GLB1L2: variants seen among roughly 807,000 people sequenced by gnomAD.
GLB1L2 encodes the protein beta-galactosidase-1-like protein 2.
GLB1L2 carries 68 observed loss-of-function variants against 84.1 expected under a neutral mutation model. The ratio of observed to expected loss-of-function variants is 0.81; its 90% CI spans 0.67 to 0.99. The LOEUF is 0.99. GLB1L2 is among the 50% of genes least tolerant of loss of function. The pLI is 0.00. For synonymous variants in GLB1L2, 290 were observed against 318.0 expected (o/e 0.91, Z 0.94); for missense variants, 762 against 805.6 (o/e 0.95, Z 0.66).
chr11:134,343,713 T>C (rs1275937295), intron 2 of GLB1L2, among the ~76,000 whole-genome samples: 4 of 152,002 alleles, frequency 2.6e-5, no homozygotes, highest in Non-Finnish European at 5.9e-5. Flanking sequence ...GCTGTGGGAG[T>C]GCTGCAGGCT....
intron 8 of GLB1L2, chr11:134,364,781 T>G (rs1427082168): frequency 5.5e-6 from 1 of 181,892 alleles, no homozygotes; most frequent in Non-Finnish European, 1.1e-5. Flanking sequence ...CCTGCAATCC[T>G]AGAAAGATTA....
intron 1 of GLB1L2, among the ~76,000 whole-genome samples, chr11:134,341,309 G>A (rs1331909055): frequency 6.6e-6 from 1 of 152,302 alleles, no homozygotes; most frequent in East Asian, 1.9e-4. Flanking sequence ...TTTCTGAGCA[G>A]TTGGGAGAGG....
intron 8 of GLB1L2, chr11:134,366,908 G>T: frequency 3.0e-6 from 1 of 334,570 alleles, no homozygotes; most frequent in South Asian, 2.7e-5. Context: ...AGTTGTCCTG[G>T]GTAAAACATC....
chr11:134,373,518 C>T (rs1408994899), intron 15 of GLB1L2, among the ~76,000 whole-genome samples: 2 of 152,192 alleles, frequency 1.3e-5, no homozygotes, highest in Non-Finnish European at 2.9e-5. Flanking sequence ...TCCCGTCCCC[C>T]ACAGAATTGC....
chr11:134,341,997 T>C (rs1943470489), intron 1 of GLB1L2, among the ~76,000 whole-genome samples: 1 of 115,240 alleles, frequency 8.7e-6, no homozygotes, highest in Non-Finnish European at 1.8e-5. Context: ...GCCACGCCCT[T>C]GTTTCATGCC....
chr11:134,357,523 C>G (rs546020193), intron 6 of GLB1L2, among the ~76,000 whole-genome samples: 57 of 152,354 alleles, frequency 3.7e-4, no homozygotes, highest in South Asian at 3.1e-3. Context: ...TGAAGCGTCT[C>G]CTGCGATACC....
chr11:134,343,219 G>A (rs1450357396), intron 2 of GLB1L2, among the ~76,000 whole-genome samples: 2 of 152,270 alleles, frequency 1.3e-5, no homozygotes, highest in South Asian at 2.1e-4. Flanking sequence ...GTGATTCAGT[G>A]CTAGCGAATC....
chr11:134,351,889 A>C (rs1470828756), intron 5 of GLB1L2, among the ~76,000 whole-genome samples: 7 of 152,230 alleles, frequency 4.6e-5, no homozygotes, highest in African/African-American at 1.2e-4. Context: ...GCAAAACTCA[A>C]AAATGAGGGA....
intron 5 of GLB1L2, among the ~76,000 whole-genome samples, chr11:134,347,945 T>C (rs1057197944): frequency 5.9e-5 from 9 of 152,142 alleles, no homozygotes; most frequent in African/African-American, 2.2e-4. Flanking sequence ...ACCAAAAAGG[T>C]GCTGCATGGT....
In GLB1L2 at chr11:134,376,184, C is replaced by T. The variant is rs536856950; in HGVS notation, c.*1126C>T. 2.0e-5 allele frequency: 3 copies of T among 153,096 alleles called. No homozygotes were observed. The highest frequency in any genetic ancestry group is 6.5e-5 in the Admixed American group (1 of 15,286). 9.5% of individuals were successfully genotyped at this position (153,096 alleles called of 1,614,324 possible). On this transcript the variant is annotated 3_prime_UTR_variant, in exon 19 of 19. Transcript: ENST00000535456. ...TCAGTGGCCCCCGCCCCCCACCCCCCACGCCCGAACAGCAGGGGCAGAGCA... is the reference window on the plus strand; with the variant it reads ...TCAGTGGCCCCCGCCCCCCACCCCCTACGCCCGAACAGCAGGGGCAGAGCA...
At chr11:134,345,281 C>T in intron 4 of GLB1L2, 152 bp downstream of exon 4, 1 of 988,214 alleles carries the variant, frequency 1.0e-6, no homozygotes. Flanking sequence ...AAGCAGCACC[C>T]AGAGGGGATC....
At position 134,359,072 on chromosome 11, in the gene GLB1L2, C is replaced by A; in HGVS notation, c.664C>A (p.Arg222Ser). 1 of 1,601,306 alleles carries A rather than the reference C, an allele frequency of 6.2e-7. No homozygotes were observed. The highest frequency in any genetic ancestry group is 1.7e-5 in the Admixed American group (1 of 58,288). Residue 222 changes from arginine (R) to serine (S), a missense_variant, in exon 7 of 19, where the codon CGT becomes AGT. By Grantham distance (110) the Arg-to-Ser change is moderately radical. Around this residue, in one of 3 missense-constraint regions of GLB1L2, gnomAD observed 603 missense variants for 611.7 expected, o/e 0.99. Transcript: ENST00000535456. ...MPYVKKALED[R>S]GIVELLLTSD... The stretch of plus-strand genomic sequence containing the variant: ...ATTTCCCCCACAGGCACTGGAGGAC[C>A]GTGGCATTGTGGAACTGCTCCTGAC...
intron 15 of GLB1L2, among the ~76,000 whole-genome samples, chr11:134,373,155 GC>G (rs1943979548): frequency 6.6e-6 from 1 of 152,102 alleles, no homozygotes; most frequent in African/African-American, 2.4e-5. Flanking sequence ...TCCCAAGCTA[GC>G]CACTCAGCAG....
In GLB1L2 at chr11:134,370,317, A is replaced by T; in HGVS notation, c.1133A>T (p.Asp378Val). Residue 378 changes from aspartate (D) to valine (V), a missense_variant, in exon 12 of 19, where the codon GAC becomes GTC. By Grantham distance (152) the Asp-to-Val change is radical. Coordinates refer to ENST00000535456, the MANE Select transcript of GLB1L2 (RefSeq NM_001370461.1). This position sits in a 1 kb window ranked among gnomAD's most constrained non-coding sequence, Gnocchi z 4.7. ...GGCATCCCTCTCCCTCCCCCACCTG[A>T]CCTTCTTCCCAAGATGCCGTATGAG... ...ISGIPLPPPP[D>V]LLPKMPYEPL... is the part of the protein sequence containing the mutation. 7 of 1,612,362 alleles carry T rather than the reference A, an allele frequency of 4.3e-6. No homozygotes were observed. Among genetic ancestry groups the T allele is most frequent in the Non-Finnish European group, 4.2e-6 (5 of 1,179,742 alleles).
intron 1 of GLB1L2, among the ~76,000 whole-genome samples, chr11:134,342,294 C>T (rs1474893291): frequency 6.6e-6 from 1 of 152,184 alleles, no homozygotes; most frequent in African/African-American, 2.4e-5. Flanking sequence ...GATGGGTGGA[C>T]GCCGCCAACG....
intron 6 of GLB1L2, among the ~76,000 whole-genome samples, chr11:134,358,684 G>A (rs1943739304): frequency 6.6e-6 from 1 of 152,268 alleles, no homozygotes; most frequent in African/African-American, 2.4e-5. Flanking sequence ...TCGTCCTGGA[G>A]GCCTGACCTA....
chr11:134,362,311 GCGTTC>G (rs1479613392), intron 7 of GLB1L2, among the ~76,000 whole-genome samples: 71 of 146,644 alleles, frequency 4.8e-4, no homozygotes, highest in Middle Eastern at 3.5e-3. Flanking sequence ...AGCGCTGCCC[GCGTTC>G]CCTTCCCCGG....
At chr11:134,333,813 T>C (rs969731900) in intron 1 of GLB1L2, among the ~76,000 whole-genome samples, 4 of 152,198 alleles carry the variant, frequency 2.6e-5, no homozygotes, top group Admixed American at 2.0e-4. Flanking sequence ...AATAAAGAGC[T>C]GCAACCAAAT....
Position 134,369,785 on chromosome 11 carries a change from C to T in GLB1L2, c.1028-20C>T. On this transcript the variant is annotated intron_variant, in intron 10 of 18. Coordinates refer to ENST00000535456, the MANE Select transcript of GLB1L2 (RefSeq NM_001370461.1). ...GTGCTGGGGACAGGAATGACCATGA[C>T]AGGGCCCGGTGTCTTGCAGACTATG... 3.7e-6 allele frequency: 6 copies of T among 1,602,450 alleles called. No individual in the cohort carries two copies. Among genetic ancestry groups the T allele is most frequent in the Non-Finnish European group, 5.1e-6 (6 of 1,170,406 alleles).
Sources: gnomAD v4.1 joint callset for allele counts (sites outside exome capture counted in the v4.1 genomes callset) on GRCh38, gnomAD v4.1.1 for gene constraint, gnomAD v4.1.1 regional missense constraint, Gnocchi (gnomAD v3.1) non-coding constraint, MANE v1.5 for transcripts, NCBI Gene and HGNC (gene_info 2026-07-23, HGNC 2026-07-21) for gene names.